Variants in GRB10 observed in about 807,000 individuals in gnomAD.
The protein encoded by GRB10 is growth factor receptor-bound protein 10.
Under a neutral mutation model 80.9 loss-of-function variants are expected in GRB10, and 20 were observed. The ratio of observed to expected loss-of-function variants is 0.25; its 90% CI spans 0.17 to 0.36. The LOEUF (loss-of-function observed/expected upper bound fraction) is 0.36. Ranked by LOEUF, GRB10 falls within the 10% of genes least tolerant of loss-of-function variation. The pLI is 1.00. For missense variants in GRB10, 548 were observed against 747.7 expected, an observed-to-expected ratio of 0.73 and a Z score of 3.12; for synonymous variants, 291 against 291.5, an observed-to-expected ratio of 1.00 and a Z score of 0.02.
intron 10 of GRB10, chr7:50,617,751 C>G: frequency 2.3e-6 from 1 of 438,180 alleles, no homozygotes; most frequent in Non-Finnish European, 4.1e-6. Flanking sequence ...GGAGGGAGCC[C>G]TGAGACTGGG....
chr7:50,784,249 G>A (rs1298718948), upstream of GRB10, among the ~76,000 whole-genome samples: 2 of 152,226 alleles, frequency 1.3e-5, no homozygotes, highest in East Asian at 1.9e-4. Flanking sequence ...GAGATTCGGG[G>A]AGAAACCAAA....
At chr7:50,604,134 A>G (rs1043178882) in intron 16 of GRB10, 49 bp from the exon 17 acceptor site, 1 of 1,497,598 alleles carries the variant, frequency 6.7e-7, no homozygotes, top group Non-Finnish European at 9.3e-7. Context: ...CCTCTGCAGA[A>G]TGGCTTCCCT....
At chr7:50,611,600 GATGTATCCTTA>G (rs2049543175) in intron 13 of GRB10, among the ~76,000 whole-genome samples, 1 of 152,182 alleles carries the variant, frequency 6.6e-6, no homozygotes. Flanking sequence ...ATGGCACTAG[GATGTATCCTTA>G]ATGTCTCTGG....
chr7:50,749,133 T>TTTTA (rs1562602599), intron 3 of GRB10, among the ~76,000 whole-genome samples: 2 of 141,660 alleles, frequency 1.4e-5, no homozygotes, highest in Non-Finnish European at 3.1e-5. Flanking sequence ...TTTTTTTGTT[T>TTTTA]GTTTTTTTTT....
intron 3 of GRB10, among the ~76,000 whole-genome samples, chr7:50,741,404 C>G (rs1306495666): frequency 1.3e-5 from 2 of 151,956 alleles, no homozygotes; most frequent in Non-Finnish European, 2.9e-5. Context: ...AAGGAAAAAC[C>G]TGTTACATGC....
intron 12 of GRB10, among the ~76,000 whole-genome samples, chr7:50,613,941 A>G (rs2050049547): frequency 6.6e-6 from 1 of 152,156 alleles, no homozygotes; most frequent in South Asian, 2.1e-4. Context: ...ACAACTATTC[A>G]CTGGCTACTG....
chr7:50,596,352 G>A (rs2046642759), intron 17 of GRB10, among the ~76,000 whole-genome samples: 1 of 152,198 alleles, frequency 6.6e-6, no homozygotes, highest in South Asian at 2.1e-4. Context: ...ACGATGTACT[G>A]AAGATGACAC....
At chr7:50,703,033 C>T (rs1433875757) in intron 5 of GRB10, among the ~76,000 whole-genome samples, 1 of 152,204 alleles carries the variant, frequency 6.6e-6, no homozygotes, top group African/African-American at 2.4e-5. Flanking sequence ...TCAAAGTTTT[C>T]TAAAAGATGA....
intron 4 of GRB10, among the ~76,000 whole-genome samples, chr7:50,722,356 C>T (rs981623844): frequency 6.6e-6 from 1 of 152,174 alleles, no homozygotes; most frequent in African/African-American, 2.4e-5. Context: ...AGGGTAACCC[C>T]GCCTGGCACC....
At chr7:50,694,831 AT>A (rs2063246920) in intron 5 of GRB10, among the ~76,000 whole-genome samples, 1 of 152,216 alleles carries the variant, frequency 6.6e-6, no homozygotes, top group South Asian at 2.1e-4. Flanking sequence ...GAATAACTAC[AT>A]TATAGGTACA....
At chr7:50,791,399 C>G (rs543729345) in intron 1 of GRB10, among the ~76,000 whole-genome samples, 3 of 152,294 alleles carry the variant, frequency 2.0e-5, no homozygotes, top group East Asian at 3.9e-4. Flanking sequence ...ACCTGACCCA[C>G]GCCATTTCCC....
chr7:50,705,044 G>GA lies in GRB10; in HGVS notation c.52-1137dup, dbSNP rs1317033820. 12 of 635,942 alleles carry GA rather than the reference G, an allele frequency of 1.9e-5. No individual in the cohort carries two copies. The African/African-American group carries it at 2.4e-4, about 13-fold the overall frequency. The allele number at this position is 635,942 out of a possible 1,614,324, so 39.4% of individuals were successfully genotyped here. A position where few individuals can be genotyped will look rare whatever the true frequency, so the allele number is the denominator to read the frequency against. ...GGAATGTGACTCTTAATTTCTGCCTGAATGCTTCCCAGCAAGCAGTTTCTC... is the reference window on the plus strand; with the variant it reads ...GGAATGTGACTCTTAATTTCTGCCTGAAATGCTTCCCAGCAAGCAGTTTCTC... On this transcript the variant is annotated intron_variant, in intron 4 of 18. Coordinates refer to ENST00000401949, the MANE Select transcript of GRB10 (RefSeq NM_001350814.2).
intron 3 of GRB10, among the ~76,000 whole-genome samples, chr7:50,733,917 A>C (rs2070342320): frequency 6.6e-6 from 1 of 152,194 alleles, no homozygotes; most frequent in Non-Finnish European, 1.5e-5. Flanking sequence ...AAACACTGAG[A>C]TTTCCTAGAG....
chr7:50,761,202 T>C (rs893126687), intron 2 of GRB10, among the ~76,000 whole-genome samples: 3 of 152,236 alleles, frequency 2.0e-5, no homozygotes, highest in African/African-American at 7.2e-5. Flanking sequence ...AACAGATACC[T>C]GGATGTATGA....
In GRB10 at chr7:50,598,132, G is replaced by A. The variant is rs541605061; in HGVS notation, c.1545-2602C>T. 5.9e-5 allele frequency among the ~76,000 whole-genome samples: 9 copies of A among 152,266 alleles called. No homozygotes were observed. The South Asian group carries it at 1.9e-3, about 32-fold the overall frequency. On this transcript the variant is annotated intron_variant, in intron 17 of 18. Coordinates refer to ENST00000401949, the MANE Select transcript of GRB10 (RefSeq NM_001350814.2). ...GCCCACCTCGGCCTCCCAAAGTGCTGGGATTACAGGCATGAGCTACTGCAC... is the reference window on the plus strand; with the variant it reads ...GCCCACCTCGGCCTCCCAAAGTGCTAGGATTACAGGCATGAGCTACTGCAC...
intron 7 of GRB10, among the ~76,000 whole-genome samples, chr7:50,627,486 C>G (rs1393797017): frequency 1.3e-5 from 2 of 152,320 alleles, no homozygotes; most frequent in Non-Finnish European, 2.9e-5. Flanking sequence ...CACCTCACCC[C>G]TCACAGACAC....
intron 7 of GRB10, among the ~76,000 whole-genome samples, chr7:50,664,056 C>A (rs2059551104): frequency 6.6e-6 from 1 of 152,234 alleles, no homozygotes; most frequent in African/African-American, 2.4e-5. Context: ...GCTGGCCATG[C>A]TCGGCTGATG....
At position 50,626,834 on chromosome 7, in the gene GRB10, G is replaced by A; in HGVS notation, c.649C>T (p.His217Tyr). The change falls in exon 8 of 19, where the codon CAC becomes TAC. Residue 217 changes from histidine to tyrosine, a missense_variant. Physicochemically the swap from His to Tyr is moderately conservative, Grantham distance 83 (BLOSUM62 2). Coordinates refer to ENST00000401949, the MANE Select transcript of GRB10 (RefSeq NM_001350814.2). Reference sequence around the variant, plus strand: ...GATGGTTCCCTACCTAATCCTAGGTGCGGGTGGTGCTCCACTAGTGTCCAG... The same window carrying A: ...GATGGTTCCCTACCTAATCCTAGGTACGGGTGGTGCTCCACTAGTGTCCAG... ...NSWTLVEHHP[H>Y]LGLERCLEDH... 6.2e-7 allele frequency: 1 copy of A among 1,614,172 alleles called. No individual in the cohort carries two copies. Among genetic ancestry groups the A allele is most frequent in the South Asian group, 1.1e-5 (1 of 91,072 alleles).
chr7:50,678,137 C>A (rs928589619), intron 5 of GRB10, among the ~76,000 whole-genome samples: 1 of 152,194 alleles, frequency 6.6e-6, no homozygotes, highest in African/African-American at 2.4e-5. Flanking sequence ...TTCTGTCAGT[C>A]AACCAGATCA....
Sources: gnomAD v4.1 joint callset for allele counts (sites outside exome capture counted in the v4.1 genomes callset) on GRCh38, gnomAD v4.1.1 for gene constraint, MANE v1.5 for transcripts, NCBI Gene and HGNC (gene_info 2026-07-23, HGNC 2026-07-21) for gene names.